EXOC2: variants seen among roughly 807,000 people sequenced by gnomAD.
EXOC2 encodes SEC5-like 1.
In EXOC2, 70 loss-of-function variants were observed where a neutral mutation model predicts 131.8. The ratio of observed to expected loss-of-function variants is 0.53; its 90% CI spans 0.44 to 0.65. EXOC2 has a LOEUF of 0.65. Ranked by LOEUF, EXOC2 falls within the 30% of genes least tolerant of loss-of-function variation. The probability of loss-of-function intolerance (pLI) is 0.00; values close to 1 mark genes in which losing one functional copy is unlikely to be tolerated. For missense variants in EXOC2, 923 were observed against 1,108.6 expected, an observed-to-expected ratio of 0.83 and a Z score of 2.38; for synonymous variants, 411 against 398.4, an observed-to-expected ratio of 1.03 and a Z score of -0.38.
At chr6:607,032 T>C (rs1285181079) in intron 7 of EXOC2, among the ~76,000 whole-genome samples, 2 of 152,198 alleles carry the variant, frequency 1.3e-5, no homozygotes, top group Non-Finnish European at 2.9e-5. Context: ...GCTGGTGGCC[T>C]TGAAGGAGGC....
At chr6:640,755 C>G (rs1762316901) in intron 1 of EXOC2, among the ~76,000 whole-genome samples, 1 of 152,110 alleles carries the variant, frequency 6.6e-6, no homozygotes, top group African/African-American at 2.4e-5. Flanking sequence ...CAAAAGAAAC[C>G]AACCCCACTG....
chr6:606,837 G>A (rs1384097742), intron 7 of EXOC2, among the ~76,000 whole-genome samples: 1 of 152,194 alleles, frequency 6.6e-6, no homozygotes, highest in South Asian at 2.1e-4. Context: ...TGGTGGATTT[G>A]CGTTTCACTT....
At position 589,710 on chromosome 6, in the gene EXOC2, T is replaced by C. The variant is rs144666225; in HGVS notation, c.1192+2759A>G. The stretch of plus-strand genomic sequence containing the variant: ...CCTGGTGACCAGCCCTGGCTGCACA[T>C]GAATCGCCCGGGAGCTTGAAATTGC... On this transcript the variant is annotated intron_variant, in intron 11 of 27. Coordinates refer to ENST00000230449, the MANE Select transcript of EXOC2 (RefSeq NM_018303.6). Among the ~76,000 whole-genome samples, 831 of 152,268 alleles carry C rather than the reference T, an allele frequency of 5.5e-3. 10 individuals carry two copies. Among genetic ancestry groups the C allele is most frequent in the African/African-American group, 0.019 (782 of 41,564 alleles).
chr6:687,989 C>T (rs1388758708), intron 1 of EXOC2, among the ~76,000 whole-genome samples: 1 of 148,378 alleles, frequency 6.7e-6, no homozygotes, highest in East Asian at 1.9e-4. Context: ...GAGTGAAGTC[C>T]TCACAAAGGC....
intron 22 of EXOC2, 144 bp downstream of exon 22, chr6:549,031 C>G: frequency 1.4e-6 from 1 of 690,188 alleles, no homozygotes; most frequent in Non-Finnish European, 2.6e-6. Flanking sequence ...AAAGCTTTAG[C>G]AGGGTGAAGG....
intron 1 of EXOC2, among the ~76,000 whole-genome samples, chr6:649,605 A>AG: frequency 6.6e-6 from 1 of 152,382 alleles, no homozygotes; most frequent in East Asian, 1.9e-4. Flanking sequence ...GGGGATAACC[A>AG]GAACTAGGAG....
intron 1 of EXOC2, among the ~76,000 whole-genome samples, chr6:650,455 AT>A (rs5873762): frequency 0.048 from 7,362 of 152,272 alleles, 308 homozygotes; most frequent in African/African-American, 0.11. Context: ...AAAAACTTTA[AT>A]AATAGCTTGC....
chr6:497,856 A>C (rs548454064), intron 24 of EXOC2, among the ~76,000 whole-genome samples: 2 of 152,242 alleles, frequency 1.3e-5, no homozygotes, highest in Admixed American at 6.5e-5. Flanking sequence ...TTTTACCACA[A>C]TTTAAAAAAA....
chr6:611,880 A>G (rs574257219), intron 6 of EXOC2, among the ~76,000 whole-genome samples: 1 of 152,366 alleles, frequency 6.6e-6, no homozygotes, highest in South Asian at 2.1e-4. Flanking sequence ...TCTCAAAGAA[A>G]AATCAAGGTT....
In EXOC2 at chr6:578,726, CTAAGA is replaced by C. The variant is rs1351796674; in HGVS notation, c.1193-1849_1193-1845del. Among the ~76,000 whole-genome samples the C allele has an allele frequency of 2.0e-5, 3 of 151,900 alleles. No homozygotes were observed. The East Asian group carries it at 5.8e-4, about 29-fold the overall frequency. ...ATTTGTATTTTTGAAAATATTAAAGCTAAGATAAGAAGACTTATAAAATCCACTGT... is the reference window on the plus strand; with the variant it reads ...ATTTGTATTTTTGAAAATATTAAAGCTAAGAAGACTTATAAAATCCACTGT... On this transcript the variant is annotated intron_variant, in intron 11 of 27. Coordinates refer to ENST00000230449, the MANE Select transcript of EXOC2 (RefSeq NM_018303.6).
At chr6:501,733 T>C (rs925981857) in intron 23 of EXOC2, among the ~76,000 whole-genome samples, 23 of 140,920 alleles carry the variant, frequency 1.6e-4, no homozygotes, top group Admixed American at 3.9e-4. Context: ...TATCTATGTA[T>C]ATATATTGGC....
chr6:690,026 C>T (rs9328356), intron 1 of EXOC2, among the ~76,000 whole-genome samples: 22,065 of 152,144 alleles, frequency 0.15, 1,776 homozygotes, highest in African/African-American at 0.21. Flanking sequence ...GTTGCTTTGA[C>T]GCCTAAGCCA....
chr6:625,371 G>A (rs576135916), intron 4 of EXOC2, among the ~76,000 whole-genome samples: 61 of 152,346 alleles, frequency 4.0e-4, no homozygotes, highest in Non-Finnish European at 7.6e-4. Context: ...TTGATTTGGC[G>A]GATGGAAGAC....
intron 1 of EXOC2, among the ~76,000 whole-genome samples, chr6:642,108 G>A (rs1315128827): frequency 6.6e-6 from 1 of 152,040 alleles, no homozygotes; most frequent in African/African-American, 2.4e-5. Flanking sequence ...CCACATGCTT[G>A]TATTCATGTA....
At position 553,900 on chromosome 6, in the gene EXOC2, G is replaced by A. The variant is rs867412562; in HGVS notation, c.2075C>T (p.Ser692Phe). Residue 692 changes from serine to phenylalanine, a missense_variant, in exon 21 of 28, where the codon TCC becomes TTC. Transcript: ENST00000230449. ...DTTHLSVDVS[S>F]PDLFGSIHED... Reference sequence around the variant, plus strand: ...ATGGATACTTCCAAACAAGTCAGGGGAAGAAACATCAACAGAGAGACTGAA... The same window carrying A: ...ATGGATACTTCCAAACAAGTCAGGGAAAGAAACATCAACAGAGAGACTGAA... 6.2e-7 allele frequency: 1 copy of A among 1,613,842 alleles called. No homozygotes were observed. The highest frequency in any genetic ancestry group is 1.3e-5 in the African/African-American group (1 of 74,892).
At chr6:647,793 G>C (rs1227196674) in intron 1 of EXOC2, among the ~76,000 whole-genome samples, 2 of 150,604 alleles carry the variant, frequency 1.3e-5, no homozygotes, top group African/African-American at 4.9e-5. Flanking sequence ...ATTTACACAG[G>C]GCTCTTAATC....
At position 594,045 on chromosome 6, in the gene EXOC2, C is replaced by G. The variant is rs369280741; in HGVS notation, c.1074-1458G>C. On this transcript the variant is annotated intron_variant, in intron 10 of 27. Coordinates refer to ENST00000230449, the MANE Select transcript of EXOC2 (RefSeq NM_018303.6). Reference sequence around the variant, plus strand: ...TGGCTGAGAGCTGCCATCTCCTCCCCCTTGTGACCACCTACAGGTTGCAAA... The same window carrying G: ...TGGCTGAGAGCTGCCATCTCCTCCCGCTTGTGACCACCTACAGGTTGCAAA... 1.5e-4 allele frequency among the ~76,000 whole-genome samples: 23 copies of G among 152,332 alleles called. No homozygotes were observed. The East Asian group carries it at 3.3e-3, about 22-fold the overall frequency.
intron 1 of EXOC2, among the ~76,000 whole-genome samples, chr6:662,171 T>C (rs1763449646): frequency 6.6e-6 from 1 of 152,122 alleles, no homozygotes; most frequent in African/African-American, 2.4e-5. Flanking sequence ...CTAATAGATC[T>C]AAGCAATGAG....
chr6:552,859 AC>A (rs2127570865), intron 21 of EXOC2, among the ~76,000 whole-genome samples: 1 of 151,642 alleles, frequency 6.6e-6, no homozygotes, highest in Non-Finnish European at 1.5e-5. Context: ...ACAGACACAG[AC>A]CACACACACA....
Sources: gnomAD v4.1 joint callset for allele counts (sites outside exome capture counted in the v4.1 genomes callset) on GRCh38, gnomAD v4.1.1 for gene constraint, MANE v1.5 for transcripts, NCBI Gene and HGNC (gene_info 2026-07-23, HGNC 2026-07-21) for gene names.